The following ABR variants were observed in gnomAD, a reference collection of about 807,000 sequenced individuals.
ABR encodes ABR activator of RhoGEF and GTPase, also known as active breakpoint cluster region-related protein.
ABR carries 35 observed loss-of-function variants against 107.2 expected under a neutral mutation model. The ratio of observed to expected loss-of-function variants is 0.33; its 90% CI spans 0.25 to 0.43. ABR has a LOEUF of 0.43. Ranked by LOEUF, ABR falls within the 20% of genes least tolerant of loss-of-function variation. ABR has a pLI of 1.00. For synonymous variants in ABR, 498 were observed against 462.0 expected (o/e 1.08, Z -1.00); for missense variants, 815 against 1,115.2 (o/e 0.73, Z 3.83).
At chr17:1,180,724 G>A (rs146792618), upstream of ABR, among the ~76,000 whole-genome samples, 127 of 152,340 alleles carry the variant, frequency 8.3e-4, no homozygotes, top group African/African-American at 2.8e-3. Context: ...GTCGGGTCAA[G>A]AGGCCTGAGA....
At chr17:1,195,214 G>A (rs2042532052) in intron 1 of ABR, among the ~76,000 whole-genome samples, 1 of 146,572 alleles carries the variant, frequency 6.8e-6, no homozygotes. Context: ...GGCTGAGGCA[G>A]GAGAATGGCG....
intron 1 of ABR, among the ~76,000 whole-genome samples, chr17:1,203,540 G>A (rs541935489): frequency 3.9e-5 from 6 of 152,148 alleles, no homozygotes; most frequent in Middle Eastern, 3.4e-3. Flanking sequence ...GTCACGTGAT[G>A]AGGCTGCGGT....
At chr17:1,223,175 C>T (rs569031779) in intron 1 of ABR, among the ~76,000 whole-genome samples, 5 of 151,120 alleles carry the variant, frequency 3.3e-5, no homozygotes, top group South Asian at 2.1e-4. Flanking sequence ...ACACACCAGC[C>T]GGGGTGACAA....
chr17:1,078,722 C>T lies in ABR; in HGVS notation c.700+608G>A. On this transcript the variant is annotated intron_variant, in intron 6 of 22. Transcript: ENST00000302538. The surrounding 1 kb of genome is among the most constrained non-coding windows in gnomAD (Gnocchi z 7.5). ...CTCGCCCACCCTCCTTCCCTGCGGC[C>T]CTCTAACCTCCCCGGCCACATCTAA... The T allele has an allele frequency of 7.4e-7, 1 of 1,351,476 alleles. No individual in the cohort carries two copies. Among genetic ancestry groups the T allele is most frequent in the Non-Finnish European group, 1.0e-6 (1 of 989,646 alleles). 83.7% of individuals were successfully genotyped at this position (1,351,476 alleles called of 1,614,324 possible).
chr17:1,119,792 C>T (rs1244720114), intron 2 of ABR, among the ~76,000 whole-genome samples: 2 of 152,238 alleles, frequency 1.3e-5, no homozygotes, highest in South Asian at 4.1e-4. Flanking sequence ...GTGAGCGGGA[C>T]CTGACAGCGC....
At chr17:1,090,686 C>A (rs914871948) in intron 4 of ABR, among the ~76,000 whole-genome samples, 1 of 152,170 alleles carries the variant, frequency 6.6e-6, no homozygotes, top group Non-Finnish European at 1.5e-5. Flanking sequence ...AGAGTCTTCT[C>A]CAGCGTGAGA....
chr17:1,079,155 C>T (rs988798415), intron 6 of ABR, 175 bp downstream of exon 6: 16 of 1,448,360 alleles, frequency 1.1e-5, no homozygotes, highest in South Asian at 1.4e-5. Context: ...CTAGAGTCCT[C>T]GCGTGCGCGC....
intron 1 of ABR, among the ~76,000 whole-genome samples, chr17:1,194,234 C>G (rs1404761007): frequency 6.6e-6 from 1 of 151,402 alleles, no homozygotes; most frequent in Non-Finnish European, 1.5e-5. Context: ...GTCGCCCAGG[C>G]TGGAGTGCAA....
rs749436770 is a variant in ABR, at chr17:1,084,551, C to T, written c.532-924G>A. ...CCTGAGTCACAACCACACAGAGCCT[C>T]GCCTCTTCTGAGAGGCAGGGCAGAC... On this transcript the variant is annotated intron_variant, in intron 4 of 22. Transcript: ENST00000302538. The surrounding 1 kb of genome is among the most constrained non-coding windows in gnomAD (Gnocchi z 4.2). Among the ~76,000 whole-genome samples the T allele has an allele frequency of 3.3e-5, 5 of 152,172 alleles. No individual in the cohort carries two copies. Among genetic ancestry groups the T allele is most frequent in the Non-Finnish European group, 5.9e-5 (4 of 68,026 alleles).
At chr17:1,205,715 C>A (rs146549699) in intron 1 of ABR, among the ~76,000 whole-genome samples, 1 of 152,158 alleles carries the variant, frequency 6.6e-6, no homozygotes, top group Non-Finnish European at 1.5e-5. Context: ...GAGGCCCAGG[C>A]GGGCAGATCA....
rs62069430 is a variant in ABR at position 1,146,685 on chromosome 17, C to G, written c.62-21318G>C. On this transcript the variant is annotated intron_variant, in intron 1 of 22. Transcript: ENST00000302538. The stretch of plus-strand genomic sequence containing the variant: ...CTGCCACCAGGCCACCACTGCCACA[C>G]GACACCACTGCCACCATGCCACCAC... 6.4e-3 allele frequency among the ~76,000 whole-genome samples: 929 copies of G among 144,550 alleles called. 4 individuals carry two copies. Among genetic ancestry groups the G allele is most frequent in the Non-Finnish European group, 9.9e-3 (658 of 66,182 alleles). The allele number at this position is 144,550 out of a possible 152,430, so 94.8% of individuals were successfully genotyped here.
Position 1,070,467 on chromosome 17 carries a change from C to G in ABR, c.895-377G>C, listed in dbSNP as rs2035146752. ...CTCTCCGCGGCTAACCCTGGAGCCC[C>G]CTGCCCGGGACGACCTGGTTTCTCC... On this transcript the variant is annotated intron_variant, in intron 8 of 22. Coordinates refer to ENST00000302538, the MANE Select transcript of ABR (RefSeq NM_021962.5). This position sits in a 1 kb window ranked among gnomAD's most constrained non-coding sequence, Gnocchi z 4.2. 6.6e-6 allele frequency among the ~76,000 whole-genome samples: 1 copy of G among 152,196 alleles called. No individual in the cohort carries two copies. Among genetic ancestry groups the G allele is most frequent in the African/African-American group, 2.4e-5 (1 of 41,452 alleles).
intron 13 of ABR, among the ~76,000 whole-genome samples, chr17:1,056,574 G>A (rs2033301031): frequency 6.6e-6 from 1 of 152,032 alleles, no homozygotes. Context: ...CCTGATCACA[G>A]CTCCCCACTG....
At chr17:1,097,201 C>T (rs966026670) in intron 3 of ABR, among the ~76,000 whole-genome samples, 13 of 152,138 alleles carry the variant, frequency 8.5e-5, no homozygotes, top group Non-Finnish European at 1.8e-4. Flanking sequence ...CTTCAGGGAA[C>T]GGGTGTGTTG....
chr17:1,217,744 G>C (rs2043041409), intron 1 of ABR, among the ~76,000 whole-genome samples: 1 of 152,138 alleles, frequency 6.6e-6, no homozygotes, highest in African/African-American at 2.4e-5. Flanking sequence ...GCCCAGGCTG[G>C]AGTGCAGTGG....
intron 1 of ABR, among the ~76,000 whole-genome samples, chr17:1,158,259 T>G (rs1444899803): frequency 6.6e-6 from 1 of 151,960 alleles, no homozygotes; most frequent in Non-Finnish European, 1.5e-5. Context: ...AAATTTGTAT[T>G]TATTTATTTT....
intron 16 of ABR, chr17:1,031,620 C>T (rs1396469637): frequency 2.4e-6 from 3 of 1,230,440 alleles, no homozygotes; most frequent in Non-Finnish European, 3.0e-6. Context: ...CAGCTTGTTG[C>T]GCACGCGGCC....
chr17:1,042,045 G>C (rs2030619622), intron 16 of ABR, among the ~76,000 whole-genome samples: 1 of 152,220 alleles, frequency 6.6e-6, no homozygotes, highest in Non-Finnish European at 1.5e-5. Context: ...GGAGGCAGGT[G>C]GGGGACAGAG....
chr17:1,019,902 C>T (rs960797201), intron 16 of ABR, among the ~76,000 whole-genome samples: 5 of 152,116 alleles, frequency 3.3e-5, no homozygotes, highest in African/African-American at 1.2e-4. Flanking sequence ...AGAGGGAGCT[C>T]GTGAAGGGTC....
Sources: gnomAD v4.1 joint callset for allele counts (sites outside exome capture counted in the v4.1 genomes callset) on GRCh38, gnomAD v4.1.1 for gene constraint, Gnocchi (gnomAD v3.1) non-coding constraint, MANE v1.5 for transcripts, NCBI Gene and HGNC (gene_info 2026-07-23, HGNC 2026-07-21) for gene names.